NBPF11: variants seen among roughly 807,000 people sequenced by gnomAD.
NBPF11 encodes the protein NBPF member 11.
In NBPF11, 72 loss-of-function variants were observed where a neutral mutation model predicts 93.9. The ratio of observed to expected loss-of-function variants is 0.77; its 90% CI spans 0.63 to 0.93. The LOEUF is 0.93. Ranked by LOEUF, NBPF11 falls within the 40% of genes least tolerant of loss-of-function variation. The pLI is 0.00. For synonymous variants in NBPF11, 224 were observed against 304.9 expected, an observed-to-expected ratio of 0.73 and a Z score of 2.76; for missense variants, 705 against 802.2, an observed-to-expected ratio of 0.88 and a Z score of 1.46.
rs1456466505 is a variant in NBPF11, at chr1:148,122,419, C to T, written c.567-153G>A. Among the ~76,000 whole-genome samples, 3 of 152,220 alleles carry T rather than the reference C, an allele frequency of 2.0e-5. No individual in the cohort carries two copies. In the East Asian group the frequency reaches 5.8e-4, roughly 29 times the overall value. ...TTAAGAGGGAACAGGCAATCCTCTT[C>T]TCTCTGCAACAGAGCTTCGCTGCCA... On this transcript the variant is annotated intron_variant, in intron 8 of 23. Transcript: ENST00000682118.
chr1:148,146,774 T>C (rs1299335282), intron 1 of NBPF11: 1 of 1,613,128 alleles, frequency 6.2e-7, no homozygotes, highest in African/African-American at 1.3e-5. Flanking sequence ...CTGGGCCAGA[T>C]GAGCAGCTTC....
At chr1:148,123,588 C>T (rs1490529228) in intron 7 of NBPF11, among the ~76,000 whole-genome samples, 1 of 151,658 alleles carries the variant, frequency 6.6e-6, no homozygotes, top group African/African-American at 2.4e-5. Context: ...CAGCCTCCTT[C>T]CTGTCCTTTA....
chr1:148,121,479 C>G (rs1482252366), intron 9 of NBPF11, among the ~76,000 whole-genome samples: 7 of 150,906 alleles, frequency 4.6e-5, no homozygotes, highest in Admixed American at 4.6e-4. Context: ...TCCTGAGTAG[C>G]TGGGACTACA....
chr1:148,111,995 C>T (rs1406189889), intron 15 of NBPF11, among the ~76,000 whole-genome samples: 1 of 149,584 alleles, frequency 6.7e-6, no homozygotes, highest in Non-Finnish European at 1.5e-5. Context: ...CTAAGGGCAG[C>T]CAGAGAGAAA....
intron 12 of NBPF11, among the ~76,000 whole-genome samples, chr1:148,117,158 T>C (rs1666764065): frequency 6.6e-6 from 1 of 151,878 alleles, no homozygotes; most frequent in East Asian, 1.9e-4. Flanking sequence ...ACAATTTGTC[T>C]GCCATGGAGA....
rs1662587124 is a variant in NBPF11, at chr1:148,102,626, A to G, written c.*1270T>C. On this transcript the variant is annotated 3_prime_UTR_variant, in exon 24 of 24. Coordinates refer to ENST00000682118, the MANE Select transcript of NBPF11 (RefSeq NM_001385469.3). ...TTAATTATGAAGACATTTTCAGACA[A>G]CTTCAGAATGTAGATCATTGAGCCA... is the stretch of plus-strand genomic sequence containing the variant. 1 of 150,860 alleles carries G rather than the reference A, an allele frequency of 6.6e-6. No individual in the cohort carries two copies. Among genetic ancestry groups the G allele is most frequent in the South Asian group, 2.1e-4 (1 of 4,768 alleles). The allele number at this position is 150,860 out of a possible 1,614,324, so 9.3% of individuals were successfully genotyped here.
At chr1:148,132,530 GC>G (rs1363455877) in intron 4 of NBPF11, among the ~76,000 whole-genome samples, 3 of 149,402 alleles carry the variant, frequency 2.0e-5, no homozygotes, top group Non-Finnish European at 4.4e-5. Flanking sequence ...CTACCAAAAT[GC>G]CACTTGGAAT....
Position 148,122,259 on chromosome 1 carries a change from G to T in NBPF11, c.574C>A (p.Gln192Lys). Residue 192 changes from glutamine to lysine, a missense_variant, in exon 9 of 24, where the codon CAG becomes AAG. By Grantham distance (53) the Gln-to-Lys change is moderately conservative. Around this residue, in one of 12 missense-constraint regions of NBPF11, gnomAD observed 262 missense variants for 223.1 expected, o/e 1.17. Coordinates refer to ENST00000682118, the MANE Select transcript of NBPF11 (RefSeq NM_001385469.3). ...GGGACTTTGCTCTCTTCAGCCTTCT[G>T]CACCTCCCTGATGAGCCAGGTGGGA... ...VLESSAPREV[Q>K]KAEESKVPED... The T allele has an allele frequency of 1.2e-6, 2 of 1,610,568 alleles. No homozygotes were observed. The highest frequency in any genetic ancestry group is 8.5e-7 in the Non-Finnish European group (1 of 1,178,678).
rs1346493802 is a variant in NBPF11, at chr1:148,102,708, CA to C, written c.*1187del. The C allele has an allele frequency of 6.6e-6, 1 of 150,910 alleles. No individual in the cohort carries two copies. The highest frequency in any genetic ancestry group is 1.9e-4 in the East Asian group (1 of 5,150). The allele number at this position is 150,910 out of a possible 1,614,324, so 9.3% of individuals were successfully genotyped here. On this transcript the variant is annotated 3_prime_UTR_variant, in exon 24 of 24. Transcript: ENST00000682118. Reference sequence around the variant, plus strand: ...ATGTCACCACCATCCATGACAACAACAAAAAGATGAGGAAATATTTGGGGTT... The same window carrying C: ...ATGTCACCACCATCCATGACAACAACAAAAGATGAGGAAATATTTGGGGTT...
Position 148,103,988 on chromosome 1 carries a change from A to C in NBPF11, c.2582-76T>G, listed in dbSNP as rs1662913819. 44 of 1,609,244 alleles carry C rather than the reference A, an allele frequency of 2.7e-5. No homozygotes were observed. In the South Asian group the frequency reaches 4.2e-4, roughly 15 times the overall value. On this transcript the variant is annotated intron_variant, in intron 23 of 23. Coordinates refer to ENST00000682118, the MANE Select transcript of NBPF11 (RefSeq NM_001385469.3). Reference sequence around the variant, plus strand: ...CAGAGCCCCACTAGATTTCAGAAGTAACATAAGGAAGTGGTTGGAAAAGAA... The same window carrying C: ...CAGAGCCCCACTAGATTTCAGAAGTCACATAAGGAAGTGGTTGGAAAAGAA...
At chr1:148,103,961 C>T (rs1662899232) in intron 23 of NBPF11, 49 bp from the exon 24 acceptor site, 1 of 1,609,808 alleles carries the variant, frequency 6.2e-7, no homozygotes, top group Admixed American at 1.7e-5. Context: ...AATCAGACAC[C>T]ACAGAGCCCC....
At chr1:148,110,087 C>T (rs1405017929) in intron 16 of NBPF11, among the ~76,000 whole-genome samples, 1 of 151,764 alleles carries the variant, frequency 6.6e-6, no homozygotes, top group East Asian at 1.9e-4. Context: ...TGGGCATGTG[C>T]TGCACAGTTT....
intron 7 of NBPF11, among the ~76,000 whole-genome samples, chr1:148,123,031 T>C (rs1259116056): frequency 6.6e-6 from 1 of 152,028 alleles, no homozygotes. Context: ...GAAAAGACCT[T>C]TTGCTTCCCA....
At position 148,126,923 on chromosome 1, in the gene NBPF11, C is replaced by T; in HGVS notation, c.81G>A (p.Gln27=). Reference sequence around the variant, plus strand: ...TGAACTGCTGTTTGTTCTCTGCCAACTGGGGGCGCAATTTCTCGTTGATTT... The same window carrying T: ...TGAACTGCTGTTTGTTCTCTGCCAATTGGGGGCGCAATTTCTCGTTGATTT... ...ILEINEKLRP[Q]LAENKQQFRN... The change falls in exon 5 of 24, where the codon CAG becomes CAA. Residue 27 remains glutamine, a synonymous_variant. Coordinates refer to ENST00000682118, the MANE Select transcript of NBPF11 (RefSeq NM_001385469.3). 1 of 1,175,382 alleles carries T rather than the reference C, an allele frequency of 8.5e-7. No individual in the cohort carries two copies. Among genetic ancestry groups the T allele is most frequent in the Non-Finnish European group, 1.2e-6 (1 of 805,346 alleles). 72.8% of individuals were successfully genotyped at this position (1,175,382 alleles called of 1,614,324 possible).
At chr1:148,111,092 C>A (rs1200937792) in intron 15 of NBPF11, among the ~76,000 whole-genome samples, 1 of 151,512 alleles carries the variant, frequency 6.6e-6, no homozygotes, top group Non-Finnish European at 1.5e-5. Context: ...TAGGCGACAC[C>A]AAGAAATCTC....
At chr1:148,142,853 G>A (rs1337358786) in intron 2 of NBPF11, among the ~76,000 whole-genome samples, 2 of 152,198 alleles carry the variant, frequency 1.3e-5, no homozygotes, top group African/African-American at 4.8e-5. Flanking sequence ...ATTCTGGAAT[G>A]GGAGATGGGA....
At chr1:148,105,603 G>A in intron 21 of NBPF11, 75 bp from the exon 22 acceptor site, 1 of 711,872 alleles carries the variant, frequency 1.4e-6, no homozygotes, top group Middle Eastern at 3.9e-4. Flanking sequence ...GGTTTCATGG[G>A]TAGCATAAGG....
intron 19 of NBPF11, among the ~76,000 whole-genome samples, 165 bp downstream of exon 19, chr1:148,107,546 A>G (rs1208199016): frequency 6.6e-6 from 1 of 152,304 alleles, no homozygotes; most frequent in Non-Finnish European, 1.5e-5. Context: ...GGGGAGGAAG[A>G]AATGGAAACC....
intron 9 of NBPF11, among the ~76,000 whole-genome samples, chr1:148,121,190 G>A (rs1455738421): frequency 4.0e-5 from 6 of 151,504 alleles, no homozygotes; most frequent in Non-Finnish European, 7.4e-5. Flanking sequence ...GATTACAAGC[G>A]CCAAGTAACA....
Sources: gnomAD v4.1 joint callset for allele counts (sites outside exome capture counted in the v4.1 genomes callset) on GRCh38, gnomAD v4.1.1 for gene constraint, gnomAD v4.1.1 regional missense constraint, MANE v1.5 for transcripts, NCBI Gene and HGNC (gene_info 2026-07-23, HGNC 2026-07-21) for gene names.